The following CNTNAP2 variants were observed in gnomAD, a reference collection of about 807,000 sequenced individuals.
The protein encoded by CNTNAP2 is contactin-associated protein-like 2.
CNTNAP2 carries 98 observed loss-of-function variants against 155.2 expected under a neutral mutation model. The observed-to-expected ratio is 0.63, with a 90% confidence interval of 0.54 to 0.75. The LOEUF is 0.75. Among genes scored for constraint, CNTNAP2 ranks in the 30% least tolerant of loss-of-function variants. The pLI, the probability that CNTNAP2 is intolerant of heterozygous loss-of-function variation, is 0.00. For missense variants in CNTNAP2, 1,727 were observed against 1,688.1 expected (o/e 1.02, Z -0.40); for synonymous variants, 651 against 631.2 (o/e 1.03, Z -0.47).
intron 20 of CNTNAP2, among the ~76,000 whole-genome samples, chr7:148,248,883 G>A (rs187930919): frequency 2.0e-5 from 3 of 152,210 alleles, no homozygotes; most frequent in Non-Finnish European, 4.4e-5. Flanking sequence ...ACTTGATATT[G>A]TCAGTCTTTT....
At chr7:146,756,043 G>T (rs1430112329) in intron 1 of CNTNAP2, among the ~76,000 whole-genome samples, 1 of 141,922 alleles carries the variant, frequency 7.0e-6, no homozygotes, top group Non-Finnish European at 1.5e-5. Context: ...TAAATAATAT[G>T]ATATTCTAGA....
intron 17 of CNTNAP2, among the ~76,000 whole-genome samples, chr7:148,156,289 G>A (rs1009404873): frequency 2.6e-5 from 4 of 152,102 alleles, no homozygotes; most frequent in South Asian, 2.1e-4. Flanking sequence ...TTATAAAGTC[G>A]TCAAAGTCAG....
At chr7:146,445,725 G>A (rs904314973) in intron 1 of CNTNAP2, among the ~76,000 whole-genome samples, 2 of 152,124 alleles carry the variant, frequency 1.3e-5, no homozygotes, top group South Asian at 4.1e-4. Flanking sequence ...AAGATAGCAA[G>A]TAGTAGAGCA....
intron 1 of CNTNAP2, among the ~76,000 whole-genome samples, chr7:146,550,414 T>TGTTG (rs1318386372): frequency 3.2e-5 from 4 of 124,838 alleles, no homozygotes; most frequent in Admixed American, 8.2e-5. Context: ...TTTTTTTTTT[T>TGTTG]TTTTTTTTTT....
chr7:147,681,197 G>T (rs1795943791), intron 13 of CNTNAP2, among the ~76,000 whole-genome samples: 1 of 151,914 alleles, frequency 6.6e-6, no homozygotes, highest in Admixed American at 6.6e-5. Flanking sequence ...TATAGAAATA[G>T]AACGGATTTG....
chr7:147,569,928 A>T (rs947985808), intron 12 of CNTNAP2, among the ~76,000 whole-genome samples: 1 of 152,122 alleles, frequency 6.6e-6, no homozygotes, highest in Admixed American at 6.5e-5. Context: ...TCAAGTGTTG[A>T]TAGATTCATT....
rs192174160 is a variant in CNTNAP2 at position 146,932,496 on chromosome 7, A to C, written c.402+92592A>C. Among the ~76,000 whole-genome samples the C allele has an allele frequency of 3.6e-3, 551 of 152,278 alleles. 4 individuals are homozygous for C. Among genetic ancestry groups the C allele is most frequent in the African/African-American group, 0.012 (518 of 41,528 alleles). On this transcript the variant is annotated intron_variant, in intron 3 of 23. Coordinates refer to ENST00000361727, the MANE Select transcript of CNTNAP2 (RefSeq NM_014141.6). ...GCCAATATCATACTGAATGGGCAGAAACTGGAAGCACTCCCTTTGAAAACT... is the reference window on the plus strand; with the variant it reads ...GCCAATATCATACTGAATGGGCAGACACTGGAAGCACTCCCTTTGAAAACT...
chr7:147,165,908 G>C (rs770793802), intron 8 of CNTNAP2, among the ~76,000 whole-genome samples: 7 of 152,202 alleles, frequency 4.6e-5, no homozygotes, highest in Non-Finnish European at 7.4e-5. Flanking sequence ...TGGTGAAAAG[G>C]GAACGCTTCT....
chr7:147,411,910 T>C (rs1797108821), intron 10 of CNTNAP2, among the ~76,000 whole-genome samples: 1 of 152,172 alleles, frequency 6.6e-6, no homozygotes, highest in South Asian at 2.1e-4. Flanking sequence ...ATATAAATAG[T>C]AAAAAAGTGC....
intron 21 of CNTNAP2, among the ~76,000 whole-genome samples, chr7:148,343,732 ATGAT>A (rs1798274341): frequency 6.6e-6 from 1 of 152,224 alleles, no homozygotes; most frequent in Non-Finnish European, 1.5e-5. Context: ...TGGCAAAAGG[ATGAT>A]TGACAAAATT....
At chr7:146,712,171 A>G (rs140193492) in intron 1 of CNTNAP2, among the ~76,000 whole-genome samples, 1 of 100,714 alleles carries the variant, frequency 9.9e-6, no homozygotes, top group South Asian at 2.9e-4. Flanking sequence ...TATGTATACA[A>G]ATATGTATAC....
chr7:148,109,084 C>T (rs1253542468), intron 15 of CNTNAP2, among the ~76,000 whole-genome samples: 3 of 152,224 alleles, frequency 2.0e-5, no homozygotes, highest in Non-Finnish European at 4.4e-5. Context: ...CCTCTTCCAT[C>T]TTTCCCCATT....
At chr7:148,171,316 A>T (rs1339849659) in intron 17 of CNTNAP2, among the ~76,000 whole-genome samples, 6 of 152,166 alleles carry the variant, frequency 3.9e-5, no homozygotes, top group Non-Finnish European at 5.9e-5. Context: ...TATTTCTTTC[A>T]ACAGTTTTAC....
chr7:147,441,724 C>G (rs1416219550), intron 10 of CNTNAP2, among the ~76,000 whole-genome samples: 1 of 152,046 alleles, frequency 6.6e-6, no homozygotes, highest in Admixed American at 6.6e-5. Flanking sequence ...TCTTGATCGT[C>G]TTAAAGAAGA....
At chr7:147,171,400 A>G (rs1254106787) in intron 8 of CNTNAP2, among the ~76,000 whole-genome samples, 1 of 152,194 alleles carries the variant, frequency 6.6e-6, no homozygotes, top group Non-Finnish European at 1.5e-5. Context: ...TCTCCTGAAA[A>G]GAAAATGTTA....
chr7:146,499,830 C>T (rs115594042), intron 1 of CNTNAP2, among the ~76,000 whole-genome samples: 3,398 of 152,248 alleles, frequency 0.022, 116 homozygotes, highest in African/African-American at 0.076. Flanking sequence ...AACACTGTAA[C>T]TCTTACAATC....
chr7:148,033,348 T>C (rs925720972), intron 15 of CNTNAP2, among the ~76,000 whole-genome samples: 2 of 134,674 alleles, frequency 1.5e-5, no homozygotes, highest in African/African-American at 6.0e-5. Flanking sequence ...TCCTTTTTTT[T>C]CCTTTATTTC....
At chr7:147,970,479 C>T (rs568902255) in intron 14 of CNTNAP2, among the ~76,000 whole-genome samples, 1 of 152,218 alleles carries the variant, frequency 6.6e-6, no homozygotes, top group South Asian at 2.1e-4. Context: ...AATCCCAGCA[C>T]TTTGGGAGGT....
intron 8 of CNTNAP2, among the ~76,000 whole-genome samples, chr7:147,298,791 G>T (rs1794887518): frequency 6.6e-6 from 1 of 152,134 alleles, no homozygotes; most frequent in Non-Finnish European, 1.5e-5. Context: ...CATTTGAATT[G>T]TATATAATTT....
Sources: allele counts gnomAD v4.1 joint callset (sites outside exome capture counted in the v4.1 genomes callset), GRCh38; gene constraint gnomAD v4.1.1; transcripts MANE v1.5; gene names NCBI Gene and HGNC (gene_info 2026-07-23, HGNC 2026-07-21).